Variants in LLGL2 observed in about 807,000 individuals in gnomAD.
LLGL2 encodes the protein LLGL scribble cell polarity complex component 2.
In LLGL2, 81 loss-of-function variants were observed where a neutral mutation model predicts 123.2. The observed-to-expected ratio is 0.66, with a 90% CI of 0.55 to 0.79. LLGL2 has a LOEUF of 0.79. Ranked by LOEUF, LLGL2 falls within the 30% of genes least tolerant of loss-of-function variation. LLGL2 has a pLI of 0.00. For synonymous variants in LLGL2, 577 were observed against 594.1 expected (o/e 0.97, Z 0.42); for missense variants, 1,273 against 1,414.6 (o/e 0.90, Z 1.61).
intron 2 of LLGL2, among the ~76,000 whole-genome samples, chr17:75,543,877 G>A (rs757397922): frequency 2.0e-5 from 3 of 152,130 alleles, no homozygotes; most frequent in Non-Finnish European, 4.4e-5. Context: ...AACTCTTCAG[G>A]GGGTGATAAT....
At chr17:75,568,299 C>G in intron 10 of LLGL2, 177 bp from the exon 11 acceptor site, 3 of 1,434,812 alleles carry the variant, frequency 2.1e-6, no homozygotes, top group Non-Finnish European at 2.7e-6. Context: ...CATGCAGAGC[C>G]AGGGCTACTG....
At chr17:75,548,984 G>A (rs116376623) in intron 2 of LLGL2, among the ~76,000 whole-genome samples, 4,777 of 152,228 alleles carry the variant, frequency 0.031, 255 homozygotes, top group African/African-American at 0.11. Flanking sequence ...CCATTCTGCA[G>A]GGGAGGAGAC....
intron 2 of LLGL2, among the ~76,000 whole-genome samples, chr17:75,547,791 C>T (rs910331074): frequency 6.6e-6 from 1 of 150,956 alleles, no homozygotes; most frequent in African/African-American, 2.4e-5. Context: ...TGCCACTGCA[C>T]TCTAGCCTGG....
rs368385489 is a variant in LLGL2, at chr17:75,570,188, G to A, written c.1807G>A (p.Val603Met). ...SLALHSEWRL[V>M]AFGTSHGFGL... is the part of the protein sequence containing the mutation. Reference sequence around the variant, plus strand: ...GGCCCTGCACTCTGAGTGGCGGCTCGTGGCCTTCGGCACCAGCCATGGCTT... The same window carrying A: ...GGCCCTGCACTCTGAGTGGCGGCTCATGGCCTTCGGCACCAGCCATGGCTT... The change falls in exon 15 of 26, where the codon GTG becomes ATG. Residue 603 changes from valine (V) to methionine (M), a missense_variant. Transcript: ENST00000392550. 5.8e-5 allele frequency: 92 copies of A among 1,585,612 alleles called. No homozygotes were observed. In the African/African-American group the frequency reaches 8.2e-4, roughly 14 times the overall value.
In LLGL2 at chr17:75,558,122, G is replaced by C. The variant is rs200650788; in HGVS notation, c.174-33G>C. 170 of 1,604,642 alleles carry C rather than the reference G, an allele frequency of 1.1e-4. No individual in the cohort carries two copies. In the African/African-American group the frequency reaches 1.1e-3, roughly 10 times the overall value. On this transcript the variant is annotated intron_variant, in intron 3 of 25. Transcript: ENST00000392550. This position sits in a 1 kb window ranked among gnomAD's most constrained non-coding sequence, Gnocchi z 4.0. ...TCAAGGCAGGCAGGGGATGGTGTCCGACCTTCCAGAGCTTTCCTGAGCCTA... is the reference window on the plus strand; with the variant it reads ...TCAAGGCAGGCAGGGGATGGTGTCCCACCTTCCAGAGCTTTCCTGAGCCTA...
chr17:75,558,121 C>A lies in LLGL2; in HGVS notation c.174-34C>A, dbSNP rs374632397. 1.9e-6 allele frequency: 3 copies of A among 1,602,202 alleles called. No individual in the cohort carries two copies. The highest frequency in any genetic ancestry group is 2.6e-6 in the Non-Finnish European group (3 of 1,169,636). ...CTCAAGGCAGGCAGGGGATGGTGTC[C>A]GACCTTCCAGAGCTTTCCTGAGCCT... On this transcript the variant is annotated intron_variant, in intron 3 of 25. Transcript: ENST00000392550. This position sits in a 1 kb window ranked among gnomAD's most constrained non-coding sequence, Gnocchi z 4.0.
chr17:75,526,022 A>G (rs66990038), intron 1 of LLGL2, among the ~76,000 whole-genome samples, 197 bp downstream of exon 1: 33,647 of 152,040 alleles, frequency 0.22, 4,102 homozygotes, highest in African/African-American at 0.31. Flanking sequence ...GTTCTGCGGG[A>G]AACTTCTCTG....
In LLGL2 at chr17:75,558,793, G is replaced by A. The variant is rs1244421960; in HGVS notation, c.371+166G>A. On this transcript the variant is annotated intron_variant, in intron 5 of 25. Coordinates refer to ENST00000392550, the MANE Select transcript of LLGL2 (RefSeq NM_001031803.2). This position sits in a 1 kb window ranked among gnomAD's most constrained non-coding sequence, Gnocchi z 4.0. ...CTCAGGTGCTCCGAGTGGAGTGGGC[G>A]GGGCTGCAGCCTGCCTCCTCCATCC... Among the ~76,000 whole-genome samples the A allele has an allele frequency of 4.6e-5, 7 of 151,298 alleles. No individual in the cohort carries two copies. Among genetic ancestry groups the A allele is most frequent in the South Asian group, 4.2e-4 (2 of 4,780 alleles).
intron 1 of LLGL2, among the ~76,000 whole-genome samples, chr17:75,526,857 G>A (rs1487022428): frequency 6.6e-6 from 1 of 152,118 alleles, no homozygotes; most frequent in Non-Finnish European, 1.5e-5. Flanking sequence ...CCCAGCCCGG[G>A]GGAAGCCAAG....
At position 75,531,552 on chromosome 17, in the gene LLGL2, T is replaced by C. The variant is rs570674867; in HGVS notation, c.-31+5727T>C. ...CTCTTATCTGTCTTAGGTGATATCG[T>C]TCTCAGGGTTCCTCCTGGGGCGAGG... is the stretch of plus-strand genomic sequence containing the variant. On this transcript the variant is annotated intron_variant, in intron 1 of 25. Coordinates refer to ENST00000392550, the MANE Select transcript of LLGL2 (RefSeq NM_001031803.2). 1.5e-3 allele frequency among the ~76,000 whole-genome samples: 221 copies of C among 152,338 alleles called. 1 individual carries two copies. Among genetic ancestry groups the C allele is most frequent in the Non-Finnish European group, 2.2e-3 (150 of 68,022 alleles).
intron 20 of LLGL2, 73 bp from the exon 21 acceptor site, chr17:75,573,408 C>T (rs577804604): frequency 5.7e-6 from 9 of 1,568,712 alleles, no homozygotes; most frequent in Admixed American, 1.7e-5. Flanking sequence ...AGCACTAGCC[C>T]CTACTCCCCC....
chr17:75,543,325 A>G (rs984500449), intron 1 of LLGL2, 72 bp from the exon 2 acceptor site: 37 of 1,061,548 alleles, frequency 3.5e-5, no homozygotes, highest in Non-Finnish European at 4.4e-5. Flanking sequence ...GCCCTGCTCC[A>G]CCTGTTTGGG....
chr17:75,572,167 T>C (rs2055744008), intron 19 of LLGL2, 103 bp downstream of exon 19: 1 of 1,186,002 alleles, frequency 8.4e-7, no homozygotes, highest in Non-Finnish European at 1.2e-6. Flanking sequence ...TTGTTTGCAG[T>C]TGGTGTCTGA....
chr17:75,532,053 T>TACACACACACACAC lies in LLGL2; in HGVS notation c.-31+6229_-31+6230insCACACACACACACA, dbSNP rs750743324. Among the ~76,000 whole-genome samples, 427 of 70,312 alleles carry TACACACACACACAC rather than the reference T, an allele frequency of 6.1e-3. 2 individuals are homozygous for TACACACACACACAC. Among genetic ancestry groups the TACACACACACACAC allele is most frequent in the Middle Eastern group, 0.02 (2 of 98 alleles). 46.1% of individuals were successfully genotyped at this position (70,312 alleles called of 152,430 possible). ...CTGTAATAAATTATATATATGTATA[T>TACACACACACACAC]ATACACACACACACACACACACACT... On this transcript the variant is annotated intron_variant, in intron 1 of 25. Transcript: ENST00000392550.
intron 1 of LLGL2, among the ~76,000 whole-genome samples, chr17:75,532,789 T>G (rs1238961308): frequency 1.3e-5 from 2 of 152,148 alleles, no homozygotes; most frequent in Non-Finnish European, 2.9e-5. Context: ...GGAGCTTTGG[T>G]TAAAGGCAGG....
intron 21 of LLGL2, 68 bp downstream of exon 21, chr17:75,573,699 G>C: frequency 7.7e-7 from 1 of 1,293,804 alleles, no homozygotes; most frequent in Non-Finnish European, 1.0e-6. Flanking sequence ...AGATACCGAG[G>C]CTCCCACTGC....
At chr17:75,557,141 A>G (rs2054951974) in intron 3 of LLGL2, among the ~76,000 whole-genome samples, 1 of 151,152 alleles carries the variant, frequency 6.6e-6, no homozygotes, top group South Asian at 2.1e-4. Context: ...GGCCTCTCAA[A>G]ATGCTAGGGT....
chr17:75,542,265 T>C (rs1384602945), intron 1 of LLGL2, among the ~76,000 whole-genome samples: 1 of 151,990 alleles, frequency 6.6e-6, no homozygotes, highest in Non-Finnish European at 1.5e-5. Context: ...CTAAGCTGCC[T>C]CCCACTTCGG....
chr17:75,540,779 G>A (rs1347719991), intron 1 of LLGL2, among the ~76,000 whole-genome samples: 4 of 152,170 alleles, frequency 2.6e-5, no homozygotes, highest in Non-Finnish European at 5.9e-5. Context: ...TGCCTGTCTA[G>A]TGGGGACGTT....
Sources: gnomAD v4.1 joint callset for allele counts (sites outside exome capture counted in the v4.1 genomes callset) on GRCh38, gnomAD v4.1.1 for gene constraint, Gnocchi (gnomAD v3.1) non-coding constraint, MANE v1.5 for transcripts, NCBI Gene and HGNC (gene_info 2026-07-23, HGNC 2026-07-21) for gene names.